The following CYP4Z1 variants were observed in gnomAD, a reference collection of about 807,000 sequenced individuals.
The protein encoded by CYP4Z1 is cytochrome P450 family 4 subfamily Z member 1, also known as cytochrome P450 4Z1.
CYP4Z1 carries 41 observed loss-of-function variants against 54.2 expected under a neutral mutation model. The observed-to-expected ratio is 0.76, with a 90% CI of 0.59 to 0.98. The LOEUF (loss-of-function observed/expected upper bound fraction) is 0.98. CYP4Z1 is among the 50% of genes least tolerant of loss of function. The pLI is 0.00. For missense variants in CYP4Z1, 513 were observed against 599.0 expected (o/e 0.86, Z 1.50); for synonymous variants, 163 against 206.2 (o/e 0.79, Z 1.79).
chr1:47,103,189 T>G (rs1356715134), intron 8 of CYP4Z1, among the ~76,000 whole-genome samples: 1 of 152,056 alleles, frequency 6.6e-6, no homozygotes, highest in Non-Finnish European at 1.5e-5. Context: ...CAGTTCCTTT[T>G]TTTTTTAAGA....
At chr1:47,080,340 GA>G (rs1644553858) in intron 2 of CYP4Z1, among the ~76,000 whole-genome samples, 1 of 75,176 alleles carries the variant, frequency 1.3e-5, no homozygotes. Context: ...TATGTTGAAA[GA>G]AAATTATACT....
At chr1:47,115,974 C>T (rs556440098) in intron 10 of CYP4Z1, among the ~76,000 whole-genome samples, 1 of 152,256 alleles carries the variant, frequency 6.6e-6, no homozygotes, top group East Asian at 1.9e-4. Flanking sequence ...ATTATGGACT[C>T]TTTGCTTTTT....
chr1:47,085,036 C>T lies in CYP4Z1; in HGVS notation c.772+58C>T, dbSNP rs1280282412. The T allele has an allele frequency of 1.0e-5, 7 of 671,798 alleles. No homozygotes were observed. The African/African-American group carries it at 1.1e-4, about 11-fold the overall frequency. 41.6% of individuals were successfully genotyped at this position (671,798 alleles called of 1,614,324 possible). A position where few individuals can be genotyped will look rare whatever the true frequency, so the allele number is the denominator to read the frequency against. ...CTATGAGACATCTCATTGTCTGAGA[C>T]ATTGACTCTGGTTATGGCTGCTTCT... On this transcript the variant is annotated intron_variant, in intron 6 of 11. Coordinates refer to ENST00000334194, the MANE Select transcript of CYP4Z1 (RefSeq NM_178134.3).
intron 6 of CYP4Z1, among the ~76,000 whole-genome samples, chr1:47,090,715 T>C (rs1008962172): frequency 6.6e-6 from 1 of 151,840 alleles, no homozygotes; most frequent in Non-Finnish European, 1.5e-5. Flanking sequence ...CACATTGATA[T>C]GGAGACATTC....
the CYP4Z1 span, among the ~76,000 whole-genome samples, chr1:47,055,928 G>T: frequency 6.6e-6 from 1 of 151,988 alleles, no homozygotes; most frequent in Non-Finnish European, 1.5e-5. Flanking sequence ...CTTCAGTTCT[G>T]CTCTGATCTT....
chr1:47,057,999 C>T, the CYP4Z1 span, among the ~76,000 whole-genome samples: 1 of 151,966 alleles, frequency 6.6e-6, no homozygotes, highest in East Asian at 1.9e-4. Flanking sequence ...ACTTCTGCAA[C>T]TTTGGTTTTA....
chr1:47,118,050 A>T lies in CYP4Z1; in HGVS notation c.*116A>T, dbSNP rs978680430. 2 of 1,081,370 alleles carry T rather than the reference A, an allele frequency of 1.8e-6. No homozygotes were observed. The highest frequency in any genetic ancestry group is 3.2e-5 in the African/African-American group (2 of 62,758). 67.0% of individuals were successfully genotyped at this position (1,081,370 alleles called of 1,614,324 possible). ...GGTTGTTTGACAAATTATATAACTT[A>T]GGATACTTCTGACTGGTTTTGACAT... On this transcript the variant is annotated 3_prime_UTR_variant, in exon 12 of 12. Transcript: ENST00000334194.
intron 8 of CYP4Z1, among the ~76,000 whole-genome samples, chr1:47,099,562 T>C (rs1644705516): frequency 2.0e-5 from 3 of 152,196 alleles, no homozygotes; most frequent in African/African-American, 7.2e-5. Context: ...CCTACCTTTT[T>C]TATGTCACGG....
intron 2 of CYP4Z1, among the ~76,000 whole-genome samples, chr1:47,073,828 A>AAT (rs1453469667): frequency 2.0e-5 from 3 of 152,140 alleles, no homozygotes; most frequent in Non-Finnish European, 4.4e-5. Context: ...ATAGTTTTTA[A>AAT]ATATATATAG....
intron 7 of CYP4Z1, among the ~76,000 whole-genome samples, chr1:47,095,823 A>G (rs1375214493): frequency 1.3e-5 from 2 of 152,216 alleles, no homozygotes; most frequent in Non-Finnish European, 2.9e-5. Context: ...CACCATGTGA[A>G]CATAATTTTC....
At chr1:47,092,778 T>G (rs1644649721) in intron 6 of CYP4Z1, among the ~76,000 whole-genome samples, 1 of 151,352 alleles carries the variant, frequency 6.6e-6, no homozygotes, top group South Asian at 2.1e-4. Context: ...GGGTCTGGTT[T>G]AGGAACAGCA....
chr1:47,056,953 C>A, the CYP4Z1 span, among the ~76,000 whole-genome samples: 2 of 151,952 alleles, frequency 1.3e-5, no homozygotes, highest in Non-Finnish European at 2.9e-5. Context: ...TGAATTTGAT[C>A]CTGTCATTAT....
intron 8 of CYP4Z1, among the ~76,000 whole-genome samples, chr1:47,100,822 G>A (rs893439925): frequency 3.9e-5 from 6 of 152,250 alleles, no homozygotes; most frequent in South Asian, 2.1e-4. Context: ...GTTTTGGAAC[G>A]TATCCCTCAC....
intron 7 of CYP4Z1, among the ~76,000 whole-genome samples, chr1:47,097,332 A>C (rs1644685603): frequency 1.3e-5 from 2 of 152,152 alleles, no homozygotes; most frequent in African/African-American, 4.8e-5. Flanking sequence ...ATACCCAGTA[A>C]TGGCATCGTT....
chr1:47,103,280 A>G (rs4926777), intron 8 of CYP4Z1, among the ~76,000 whole-genome samples: 66,485 of 151,330 alleles, frequency 0.44, 16,040 homozygotes, highest in East Asian at 0.97. Context: ...CCTGGGCTCA[A>G]GCAGTCTTCC....
chr1:47,085,756 C>A (rs1435409002), intron 6 of CYP4Z1, among the ~76,000 whole-genome samples: 2 of 151,730 alleles, frequency 1.3e-5, no homozygotes, highest in African/African-American at 4.8e-5. Context: ...AGGTTTGTTA[C>A]ATATGTATAC....
At chr1:47,088,185 G>A (rs893151811) in intron 6 of CYP4Z1, among the ~76,000 whole-genome samples, 5 of 152,214 alleles carry the variant, frequency 3.3e-5, no homozygotes, top group African/African-American at 1.2e-4. Context: ...GCCAGGCTTT[G>A]GTATCAGGAT....
chr1:47,114,898 G>A (rs1314083460), intron 9 of CYP4Z1, among the ~76,000 whole-genome samples: 1 of 152,178 alleles, frequency 6.6e-6, no homozygotes, highest in Non-Finnish European at 1.5e-5. Context: ...CGATTTCTCA[G>A]GGATCTAGAA....
upstream of CYP4Z1, among the ~76,000 whole-genome samples, chr1:47,064,135 T>C (rs759702954): frequency 6.9e-6 from 1 of 144,232 alleles, no homozygotes; most frequent in African/African-American, 2.6e-5. Flanking sequence ...CACACTGGAG[T>C]GCAGTGGCGC....
Sources: allele counts gnomAD v4.1 joint callset (sites outside exome capture counted in the v4.1 genomes callset), GRCh38; gene constraint gnomAD v4.1.1; transcripts MANE v1.5; gene names NCBI Gene and HGNC (gene_info 2026-07-23, HGNC 2026-07-21).